Variants in CCDC172 observed in about 807,000 individuals in gnomAD.
The protein encoded by CCDC172 is coiled-coil domain containing 172.
CCDC172 carries 30 observed loss-of-function variants against 38.0 expected under a neutral mutation model. The observed-to-expected ratio is 0.79, with a 90% CI of 0.59 to 1.07. The LOEUF is 1.07. Among genes scored for constraint, CCDC172 ranks in the 50% least tolerant of loss-of-function variants. The probability of loss-of-function intolerance (pLI) is 0.00; values close to 1 mark genes in which losing one functional copy is unlikely to be tolerated. For synonymous variants in CCDC172, 78 were observed against 88.3 expected (o/e 0.88, Z 0.66); for missense variants, 297 against 290.1 (o/e 1.02, Z -0.17).
chr10:116,357,896 T>A lies in CCDC172; in HGVS notation c.611T>A (p.Ile204Lys). 6.3e-7 allele frequency: 1 copy of A among 1,580,020 alleles called. No individual in the cohort carries two copies. Among genetic ancestry groups the A allele is most frequent in the South Asian group, 1.2e-5 (1 of 86,222 alleles). The change falls in exon 7 of 9, where the codon ATA (isoleucine) becomes AAA (lysine). Residue 204 changes from isoleucine to lysine, a missense_variant. Coordinates refer to ENST00000333254, the MANE Select transcript of CCDC172 (RefSeq NM_198515.3). Reference protein sequence around the residue: ...CTTKYLEAEKIKISEKPQNDT... With the variant: ...CTTKYLEAEKKKISEKPQNDT... ...ACCAAATATCTAGAGGCAGAAAAAA[T>A]AAAAATCAGTGAAAAGCCTCAAAAT... is the stretch of plus-strand genomic sequence containing the variant.
At chr10:116,353,541 C>A (rs1210595951) in intron 5 of CCDC172, among the ~76,000 whole-genome samples, 3 of 151,892 alleles carry the variant, frequency 2.0e-5, no homozygotes, top group Non-Finnish European at 4.4e-5. Context: ...AAAAAGATAA[C>A]CCAATTTAAA....
intron 3 of CCDC172, among the ~76,000 whole-genome samples, chr10:116,332,289 T>G (rs919387230): frequency 6.6e-6 from 1 of 152,172 alleles, no homozygotes; most frequent in Non-Finnish European, 1.5e-5. Flanking sequence ...AGCATTTCTC[T>G]TTGTTTGGAG....
At chr10:116,360,198 G>C (rs1292840992) in intron 7 of CCDC172, among the ~76,000 whole-genome samples, 1 of 152,130 alleles carries the variant, frequency 6.6e-6, no homozygotes, top group African/African-American at 2.4e-5. Flanking sequence ...CTCCCAAAGA[G>C]GTATGTAATT....
chr10:116,376,448 C>T (rs1314814675), intron 7 of CCDC172, among the ~76,000 whole-genome samples: 1 of 152,136 alleles, frequency 6.6e-6, no homozygotes, highest in Non-Finnish European at 1.5e-5. Flanking sequence ...AGCCACAGCT[C>T]CTAGCTTTTG....
At chr10:116,334,615 ATTTC>A (rs1307105769) in intron 3 of CCDC172, among the ~76,000 whole-genome samples, 1 of 151,950 alleles carries the variant, frequency 6.6e-6, no homozygotes. Flanking sequence ...TATTTAACTA[ATTTC>A]TTATTGATAA....
intron 3 of CCDC172, among the ~76,000 whole-genome samples, chr10:116,329,534 GT>G (rs1471209360): frequency 6.6e-6 from 1 of 152,140 alleles, no homozygotes; most frequent in African/African-American, 2.4e-5. Flanking sequence ...TTGATGGTTG[GT>G]TAGCCTAAGT....
intron 7 of CCDC172, among the ~76,000 whole-genome samples, chr10:116,358,971 G>C (rs1302335677): frequency 6.6e-6 from 1 of 152,162 alleles, no homozygotes; most frequent in Non-Finnish European, 1.5e-5. Context: ...GTCTGTTAGA[G>C]AATGCTTTTT....
intron 7 of CCDC172, among the ~76,000 whole-genome samples, chr10:116,366,505 C>T (rs7080826): frequency 0.12 from 17,636 of 152,112 alleles, 1,594 homozygotes; most frequent in African/African-American, 0.25. Context: ...ATTATACTAT[C>T]TGGGATTTGT....
intron 7 of CCDC172, among the ~76,000 whole-genome samples, chr10:116,376,015 C>T (rs1845239894): frequency 6.6e-6 from 1 of 152,188 alleles, no homozygotes; most frequent in Non-Finnish European, 1.5e-5. Flanking sequence ...TCAGCAATCC[C>T]ATTACTGGGT....
At chr10:116,367,534 A>C (rs1368267382) in intron 7 of CCDC172, among the ~76,000 whole-genome samples, 1 of 152,074 alleles carries the variant, frequency 6.6e-6, no homozygotes, top group Non-Finnish European at 1.5e-5. Flanking sequence ...CTAAAAGTAC[A>C]AAAAACTTAT....
At chr10:116,339,345 A>G (rs80141713) in intron 3 of CCDC172, among the ~76,000 whole-genome samples, 12,668 of 151,926 alleles carry the variant, frequency 0.083, 695 homozygotes, top group East Asian at 0.23. Context: ...TATCATTTAC[A>G]TAATAAGCAT....
chr10:116,336,969 CA>C (rs1484739819), intron 3 of CCDC172, among the ~76,000 whole-genome samples: 1 of 152,114 alleles, frequency 6.6e-6, no homozygotes, highest in Non-Finnish European at 1.5e-5. Flanking sequence ...CCAGATAAGT[CA>C]GCTCACTGGG....
rs371401308 is a variant in CCDC172, at chr10:116,364,800, G to A, written c.653+6862G>A. Among the ~76,000 whole-genome samples the A allele has an allele frequency of 2.0e-5, 3 of 152,130 alleles. No homozygotes were observed. The South Asian group carries it at 6.2e-4, about 31-fold the overall frequency. On this transcript the variant is annotated intron_variant, in intron 7 of 8. Transcript: ENST00000333254. ...TAACAGCATTGCATTTGAGCACTAGGACTTTGGGTGAAATCTGTCCTTTCT... is the reference window on the plus strand; with the variant it reads ...TAACAGCATTGCATTTGAGCACTAGAACTTTGGGTGAAATCTGTCCTTTCT...
intron 5 of CCDC172, among the ~76,000 whole-genome samples, chr10:116,353,446 AC>A (rs1398675012): frequency 1.3e-5 from 2 of 152,208 alleles, no homozygotes; most frequent in African/African-American, 4.8e-5. Flanking sequence ...AAGTGAAAAG[AC>A]GACCACAAAA....
chr10:116,336,991 G>A (rs1428199851), intron 3 of CCDC172, among the ~76,000 whole-genome samples: 2 of 151,864 alleles, frequency 1.3e-5, no homozygotes, highest in African/African-American at 4.8e-5. Context: ...AAAACTATAA[G>A]CTCCATTAAA....
At chr10:116,374,830 G>C (rs1326147509) in intron 7 of CCDC172, among the ~76,000 whole-genome samples, 1 of 150,826 alleles carries the variant, frequency 6.6e-6, no homozygotes, top group Non-Finnish European at 1.5e-5. Context: ...AGATAAAAGA[G>C]TAAGACACAA....
At chr10:116,375,718 G>A (rs974372720) in intron 7 of CCDC172, among the ~76,000 whole-genome samples, 7 of 152,082 alleles carry the variant, frequency 4.6e-5, no homozygotes, top group East Asian at 1.9e-4. Flanking sequence ...AGTGGGCCAA[G>A]GATATGAACA....
chr10:116,339,002 G>A (rs369935799), intron 3 of CCDC172, among the ~76,000 whole-genome samples: 17 of 151,928 alleles, frequency 1.1e-4, no homozygotes, highest in African/African-American at 3.9e-4. Context: ...AGCATTTTTT[G>A]TGGACATTCC....
At chr10:116,334,641 T>A (rs1383389181) in intron 3 of CCDC172, among the ~76,000 whole-genome samples, 4 of 152,174 alleles carry the variant, frequency 2.6e-5, no homozygotes, top group East Asian at 3.9e-4. Flanking sequence ...TATTTACTAT[T>A]GTATTAATAA....
Sources: allele counts gnomAD v4.1 joint callset (sites outside exome capture counted in the v4.1 genomes callset), GRCh38; gene constraint gnomAD v4.1.1; transcripts MANE v1.5; gene names NCBI Gene and HGNC (gene_info 2026-07-23, HGNC 2026-07-21).